Variants in RPS11 observed in about 807,000 individuals in gnomAD.
The protein encoded by RPS11 is ribosomal protein S11.
For missense variants in RPS11, 127 were observed against 211.4 expected (o/e 0.60, Z 2.48); for synonymous variants, 107 against 78.0 (o/e 1.37, Z -1.96).
At chr19:49,497,154 A>T in intron 1 of RPS11, 40 bp from the exon 2 acceptor site, 1 of 1,608,894 alleles carries the variant, frequency 6.2e-7, no homozygotes, top group Non-Finnish European at 8.5e-7. Flanking sequence ...TGCCGGCTTC[A>T]AACTTAGCAG....
chr19:49,497,375 GTGCCCACGACGAGTTGCCC>G (rs1429031646), intron 2 of RPS11, 50 bp downstream of exon 2: 1 of 1,612,290 alleles, frequency 6.2e-7, no homozygotes, highest in East Asian at 2.2e-5. Context: ...TCCTGCACGT[GTGCCCACGACGAGTTGCCC>G]TGCCTGCATC....
chr19:49,496,489 G>A lies in RPS11; in HGVS notation c.15+18G>A. 1 of 1,608,380 alleles carries A rather than the reference G, an allele frequency of 6.2e-7. No individual in the cohort carries two copies. The highest frequency in any genetic ancestry group is 8.5e-7 in the Non-Finnish European group (1 of 1,177,558). On this transcript the variant is annotated intron_variant, in intron 1 of 4. Coordinates refer to ENST00000270625, the MANE Select transcript of RPS11 (RefSeq NM_001015.5). ...ACATTCAGGTGCGGACTCGGGGTTG[G>A]ATGCCAGGGTGCGGGGTCCGCCTTG... is the stretch of plus-strand genomic sequence containing the variant.
intron 4 of RPS11, among the ~76,000 whole-genome samples, chr19:49,498,480 C>G (rs139346574): frequency 6.6e-6 from 1 of 152,162 alleles, no homozygotes; most frequent in Non-Finnish European, 1.5e-5. Flanking sequence ...AGCCAGGCAC[C>G]GTGGCTCAAG....
At chr19:49,497,660 C>G in intron 3 of RPS11, 65 bp downstream of exon 3, 1 of 1,447,450 alleles carries the variant, frequency 6.9e-7, no homozygotes, top group Non-Finnish European at 9.7e-7. Context: ...GGGGCCCAGA[C>G]TCCTGGGTCC....
intron 1 of RPS11, 37 bp from the exon 2 acceptor site, chr19:49,497,157 C>T (rs1346005393): frequency 6.2e-7 from 1 of 1,609,428 alleles, no homozygotes; most frequent in Non-Finnish European, 8.5e-7. Context: ...CGGCTTCAAA[C>T]TTAGCAGCTC....
At chr19:49,497,763 T>G in intron 3 of RPS11, 154 bp from the exon 4 acceptor site, 1 of 1,183,226 alleles carries the variant, frequency 8.5e-7, no homozygotes, top group Non-Finnish European at 1.3e-6. Context: ...GATGCCCACG[T>G]GGGCACTGCT....
rs764416197 is a variant in RPS11, at chr19:49,498,051, G to A, written c.353+5G>A. Reference sequence around the variant, plus strand: ...ACACCTGTCCCCCTGCTTCAGGTGAGCGCAGTGGCCCATCAGGTTGCTCAG... The same window carrying A: ...ACACCTGTCCCCCTGCTTCAGGTGAACGCAGTGGCCCATCAGGTTGCTCAG... On this transcript the variant is annotated splice_donor_5th_base_variant and intron_variant, in intron 4 of 4. Transcript: ENST00000270625. 2 of 1,612,120 alleles carry A rather than the reference G, an allele frequency of 1.2e-6. No homozygotes were observed. Among genetic ancestry groups the A allele is most frequent in the South Asian group, 1.1e-5 (1 of 90,988 alleles).
At chr19:49,496,596 G>A in intron 1 of RPS11, 125 bp downstream of exon 1, 2 of 1,039,190 alleles carry the variant, frequency 1.9e-6, no homozygotes, top group Non-Finnish European at 1.4e-6. Flanking sequence ...TTATTTTCTA[G>A]AGATTAACTG....
chr19:49,497,217 G>C lies in RPS11; in HGVS notation c.39G>C (p.Gln13His), dbSNP rs149491225. ...AGACTGAGCGTGCCTACCAAAAGCA[G>C]CCGACCATCTTTCAAAACAAGAAGA... ...DIQTERAYQK[Q>H]PTIFQNKKRV... Residue 13 changes from glutamine (Q) to histidine (H), a missense_variant, in exon 2 of 5, where the codon CAG becomes CAC. Gln to His is a conservative substitution (Grantham distance 24, BLOSUM62 0). Coordinates refer to ENST00000270625, the MANE Select transcript of RPS11 (RefSeq NM_001015.5). The C allele has an allele frequency of 6.2e-7, 1 of 1,614,034 alleles. No homozygotes were observed. The highest frequency in any genetic ancestry group is 1.1e-5 in the South Asian group (1 of 91,076).
In RPS11 at chr19:49,499,516, G is replaced by A. The variant is rs1446390446; in HGVS notation, c.358G>A (p.Val120Ile). 1.2e-6 allele frequency: 2 copies of A among 1,613,318 alleles called. No individual in the cohort carries two copies. The highest frequency in any genetic ancestry group is 1.7e-6 in the Non-Finnish European group (2 of 1,179,520). Residue 120 changes from valine (V) to isoleucine (I), a missense_variant, in exon 5 of 5, where the codon GTC becomes ATC. Physicochemically the swap from Val to Ile is conservative, Grantham distance 29. Coordinates refer to ENST00000270625, the MANE Select transcript of RPS11 (RefSeq NM_001015.5). ...TGGCCCTACCTGCCTCCACAGGGAC[G>A]TCCAGATCGGTGACATCGTCACAGT... ...SVHLSPCFRD[V>I]QIGDIVTVGE...
In RPS11 at chr19:49,497,382, C is replaced by G; in HGVS notation, c.147+57C>G. The G allele has an allele frequency of 1.9e-6, 3 of 1,610,530 alleles. No individual in the cohort carries two copies. In the South Asian group the frequency reaches 3.3e-5, roughly 18 times the overall value. On this transcript the variant is annotated intron_variant, in intron 2 of 4. Transcript: ENST00000270625. ...CCTGGCGTTCCTGCACGTGTGCCCACGACGAGTTGCCCTGCCTGCATCTAA... is the reference window on the plus strand; with the variant it reads ...CCTGGCGTTCCTGCACGTGTGCCCAGGACGAGTTGCCCTGCCTGCATCTAA...
chr19:49,498,371 C>T (rs10418549), intron 4 of RPS11: 12 of 341,676 alleles, frequency 3.5e-5, no homozygotes, highest in Admixed American at 1.6e-4. Context: ...AGTAGTCTTA[C>T]GCAGTGCGTT....
chr19:49,496,456 G>A lies in RPS11; in HGVS notation c.-1G>A, dbSNP rs763005211. ...TTTCTTTTTTTCAGGCGGCCGGGAA[G>A]ATGGCGGACATTCAGGTGCGGACTC... is the stretch of plus-strand genomic sequence containing the variant. On this transcript the variant is annotated 5_prime_UTR_variant, in exon 1 of 5. Transcript: ENST00000270625. 12 of 1,612,282 alleles carry A rather than the reference G, an allele frequency of 7.4e-6. No homozygotes were observed. In the East Asian group the frequency reaches 9.0e-5, roughly 12 times the overall value.
At chr19:49,497,722 C>G (rs777701489) in intron 3 of RPS11, 127 bp downstream of exon 3, 3 of 1,138,278 alleles carry the variant, frequency 2.6e-6, no homozygotes, top group Non-Finnish European at 4.0e-6. Flanking sequence ...GGTACATTGG[C>G]AGATGATGTT....
At chr19:49,497,399 TGCATC>T in intron 2 of RPS11, 74 bp downstream of exon 2, 2 of 1,603,718 alleles carry the variant, frequency 1.2e-6, no homozygotes, top group Non-Finnish European at 1.7e-6. Flanking sequence ...TTGCCCTGCC[TGCATC>T]TAAGTGGCTT....
At chr19:49,498,988 CCT>C (rs1485440392) in intron 4 of RPS11, among the ~76,000 whole-genome samples, 1 of 152,136 alleles carries the variant, frequency 6.6e-6, no homozygotes, top group Admixed American at 6.6e-5. Flanking sequence ...GGAACAAAGT[CCT>C]GCTCCCTCAG....
intron 1 of RPS11, 128 bp from the exon 2 acceptor site, chr19:49,497,066 T>C: frequency 9.0e-7 from 1 of 1,116,716 alleles, no homozygotes; most frequent in Non-Finnish European, 1.3e-6. Context: ...GCACCAGGCC[T>C]TGGACGCCGG....
intron 4 of RPS11, among the ~76,000 whole-genome samples, chr19:49,498,934 G>A (rs759456058): frequency 9.9e-5 from 15 of 152,134 alleles, no homozygotes; most frequent in Non-Finnish European, 1.6e-4. Context: ...AGCTTATCAC[G>A]TACCAGGTGT....
rs2079913056 is a variant in RPS11 at position 49,497,559 on chromosome 19, A to G, written c.187A>G (p.Thr63Ala). The G allele has an allele frequency of 6.2e-7, 1 of 1,613,926 alleles. No individual in the cohort carries two copies. The highest frequency in any genetic ancestry group is 1.3e-5 in the African/African-American group (1 of 75,004). Reference protein sequence around the residue: ...GTYIDKKCPFTGNVSIRGRIL... With the variant: ...GTYIDKKCPFAGNVSIRGRIL... ...CTACATTGACAAGAAATGCCCCTTC[A>G]CTGGTAATGTGTCCATTCGAGGGCG... is the stretch of plus-strand genomic sequence containing the variant. The change falls in exon 3 of 5, where the codon ACT becomes GCT. Residue 63 changes from threonine to alanine, a missense_variant. Coordinates refer to ENST00000270625, the MANE Select transcript of RPS11 (RefSeq NM_001015.5).
Sources: gnomAD v4.1 joint callset for allele counts (sites outside exome capture counted in the v4.1 genomes callset) on GRCh38, gnomAD v4.1.1 for gene constraint, MANE v1.5 for transcripts, NCBI Gene and HGNC (gene_info 2026-07-23, HGNC 2026-07-21) for gene names.